OR6N1: variants seen among roughly 807,000 people sequenced by gnomAD.
OR6N1 encodes the protein olfactory receptor 6N1.
For synonymous variants in OR6N1, 170 were observed against 150.7 expected (o/e 1.13, Z -0.94); for missense variants, 394 against 371.7 (o/e 1.06, Z -0.49).
At chr1:158,827,299 A>C in the OR6N1 span, among the ~76,000 whole-genome samples, 1 of 152,184 alleles carries the variant, frequency 6.6e-6, no homozygotes, top group Non-Finnish European at 1.5e-5. Flanking sequence ...TAGCAAAGAA[A>C]ATTTTTTTTA....
intron 1 of OR6N1, 82 bp downstream of exon 1, chr1:158,771,939 T>A (rs929942194): frequency 6.6e-6 from 1 of 152,218 alleles, no homozygotes; most frequent in South Asian, 2.1e-4. Context: ...AACCTCTCCA[T>A]ATTTCTGAAT....
chr1:158,820,932 G>A, the OR6N1 span, among the ~76,000 whole-genome samples: 1 of 152,190 alleles, frequency 6.6e-6, no homozygotes, highest in Non-Finnish European at 1.5e-5. Context: ...CAGGGGATAT[G>A]AAAAAGAACT....
At chr1:158,781,690 C>T in the OR6N1 span, among the ~76,000 whole-genome samples, 2 of 152,168 alleles carry the variant, frequency 1.3e-5, no homozygotes, top group East Asian at 1.9e-4. Flanking sequence ...AATATTCTTC[C>T]TTTGAGAATC....
the OR6N1 span, among the ~76,000 whole-genome samples, chr1:158,817,193 TATG>T: frequency 3.3e-5 from 5 of 152,170 alleles, no homozygotes; most frequent in East Asian, 5.8e-4. Context: ...TGATCAAATA[TATG>T]ATAACTTTTA....
chr1:158,798,165 T>C, the OR6N1 span, among the ~76,000 whole-genome samples: 1 of 151,890 alleles, frequency 6.6e-6, no homozygotes, highest in Non-Finnish European at 1.5e-5. Context: ...TTTATTAGTC[T>C]TGTCAGGAGT....
At chr1:158,837,150 G>A in the OR6N1 span, among the ~76,000 whole-genome samples, 39 of 151,832 alleles carry the variant, frequency 2.6e-4, 1 homozygote, top group African/African-American at 9.4e-4. Flanking sequence ...CCATATGTTC[G>A]TGTGAAAAAT....
At chr1:158,818,831 G>T in the OR6N1 span, among the ~76,000 whole-genome samples, 1 of 152,076 alleles carries the variant, frequency 6.6e-6, no homozygotes, top group African/African-American at 2.4e-5. Context: ...ACCCATTGCT[G>T]AACTACCACT....
chr1:158,776,605 A>T, upstream of OR6N1: 1 of 756,338 alleles, frequency 1.3e-6, no homozygotes, highest in Non-Finnish European at 2.2e-6. Flanking sequence ...AATTCAGAGC[A>T]TGTGTGATGA....
At chr1:158,788,485 A>G in the OR6N1 span, among the ~76,000 whole-genome samples, 1 of 152,044 alleles carries the variant, frequency 6.6e-6, no homozygotes, top group African/African-American at 2.4e-5. Flanking sequence ...TGCTTATTTT[A>G]TATATTAGAT....
Position 158,766,456 on chromosome 1 carries a change from G to A in OR6N1, c.227C>T (p.Ala76Val), listed in dbSNP as rs758124859. 16 of 1,614,124 alleles carry A rather than the reference G, an allele frequency of 9.9e-6. No homozygotes were observed. The highest frequency in any genetic ancestry group is 1.3e-5 in the Non-Finnish European group (15 of 1,180,010). Residue 76 changes from alanine to valine, a missense_variant, in exon 2 of 2, where the codon GCC (alanine) becomes GTC (valine). By Grantham distance (64) the Ala-to-Val change is moderately conservative (BLOSUM62 0). Coordinates refer to ENST00000641846, the MANE Select transcript of OR6N1 (RefSeq NM_001005185.2). ...GTTTGCCAGCATCTTAGGGATGGTG[G>A]CAGCTGTATAGCCAAGCTCTGAGAA... ...LSFSELGYTA[A>V]TIPKMLANLL...
chr1:158,791,255 T>A, the OR6N1 span, among the ~76,000 whole-genome samples: 1 of 152,218 alleles, frequency 6.6e-6, no homozygotes, highest in Non-Finnish European at 1.5e-5. Flanking sequence ...ACATCGCTTT[T>A]AGCACTGTGT....
At chr1:158,821,660 C>T in the OR6N1 span, among the ~76,000 whole-genome samples, 1 of 151,800 alleles carries the variant, frequency 6.6e-6, no homozygotes, top group Non-Finnish European at 1.5e-5. Flanking sequence ...CTGGATATAC[C>T]ACAGTTTATT....
At chr1:158,833,279 C>T in the OR6N1 span, among the ~76,000 whole-genome samples, 1 of 152,120 alleles carries the variant, frequency 6.6e-6, no homozygotes, top group African/African-American at 2.4e-5. Flanking sequence ...ATTTTCACTG[C>T]CAAGCTTCTG....
At chr1:158,825,174 T>A in the OR6N1 span, among the ~76,000 whole-genome samples, 1 of 152,206 alleles carries the variant, frequency 6.6e-6, no homozygotes, top group Non-Finnish European at 1.5e-5. Flanking sequence ...GCGCAGTGGC[T>A]CACGCCTGTA....
At chr1:158,784,709 C>G in the OR6N1 span, among the ~76,000 whole-genome samples, 2 of 152,138 alleles carry the variant, frequency 1.3e-5, no homozygotes, top group African/African-American at 4.8e-5. Flanking sequence ...CACATAACAT[C>G]ATGTCCTCTC....
the OR6N1 span, chr1:158,777,739 A>T: frequency 1.4e-6 from 1 of 709,170 alleles, no homozygotes; most frequent in East Asian, 2.7e-5. Flanking sequence ...ACTTAAAAGT[A>T]GCACTGAAAT....
chr1:158,776,928 C>T (rs758352199), upstream of OR6N1: 2 of 1,613,838 alleles, frequency 1.2e-6, no homozygotes, highest in South Asian at 2.2e-5. Context: ...TAGAAAAGGC[C>T]TTCTTTCTTC....
the OR6N1 span, among the ~76,000 whole-genome samples, chr1:158,780,503 A>G: frequency 6.6e-6 from 1 of 152,228 alleles, no homozygotes; most frequent in Admixed American, 6.5e-5. Flanking sequence ...TTACAGCCCA[A>G]TAAACCTATC....
chr1:158,788,701 T>C, the OR6N1 span, among the ~76,000 whole-genome samples: 3 of 152,184 alleles, frequency 2.0e-5, no homozygotes, highest in African/African-American at 7.2e-5. Flanking sequence ...TTTAGAAATA[T>C]ACACTAGGTT....
Sources: gnomAD v4.1 joint callset for allele counts (sites outside exome capture counted in the v4.1 genomes callset) on GRCh38, gnomAD v4.1.1 for gene constraint, MANE v1.5 for transcripts, NCBI Gene and HGNC (gene_info 2026-07-23, HGNC 2026-07-21) for gene names.